KIAA1549L: variants seen among roughly 807,000 people sequenced by gnomAD.
KIAA1549L encodes UPF0606 protein KIAA1549L.
A neutral mutation model predicts 160.7 loss-of-function variants in KIAA1549L; 88 were observed. The observed-to-expected ratio is 0.55, with a 90% confidence interval of 0.46 to 0.65. KIAA1549L has a LOEUF of 0.65. KIAA1549L is among the 30% of genes least tolerant of loss of function. The probability of loss-of-function intolerance (pLI) is 0.00; values close to 1 mark genes in which losing one functional copy is unlikely to be tolerated. For synonymous variants in KIAA1549L, 950 were observed against 976.7 expected (o/e 0.97, Z 0.51); for missense variants, 2,258 against 2,437.5 (o/e 0.93, Z 1.55).
chr11:33,464,757 G>A (rs186930463), intron 1 of KIAA1549L, among the ~76,000 whole-genome samples: 15 of 152,078 alleles, frequency 9.9e-5, no homozygotes, highest in Admixed American at 5.9e-4. Flanking sequence ...CATGGTTCCA[G>A]GATCAAGTCC....
At chr11:33,442,692 C>T (rs1202379089) in intron 1 of KIAA1549L, among the ~76,000 whole-genome samples, 8 of 152,138 alleles carry the variant, frequency 5.3e-5, no homozygotes, top group African/African-American at 1.4e-4. Context: ...CTTCTTTAAT[C>T]TGAGAATTCA....
At chr11:33,403,676 C>T (rs1850586830) in intron 1 of KIAA1549L, 1 of 152,140 alleles carries the variant, frequency 6.6e-6, no homozygotes, top group South Asian at 2.1e-4. Flanking sequence ...TAATACATGA[C>T]CTCTCTTCCA....
intron 1 of KIAA1549L, among the ~76,000 whole-genome samples, chr11:33,457,012 G>A (rs1037582446): frequency 2.0e-5 from 3 of 152,174 alleles, no homozygotes; most frequent in African/African-American, 7.2e-5. Flanking sequence ...GAAGGTCAAG[G>A]ATCACGGATG....
chr11:33,561,650 T>C (rs372363029), intron 7 of KIAA1549L, 26 bp from the exon 8 acceptor site: 88 of 1,534,402 alleles, frequency 5.7e-5, no homozygotes, highest in Non-Finnish European at 7.4e-5. Flanking sequence ...ATAAAAGTAA[T>C]TGGGTATGTT....
chr11:33,464,442 A>T (rs1852002377), intron 1 of KIAA1549L, among the ~76,000 whole-genome samples: 1 of 151,656 alleles, frequency 6.6e-6, no homozygotes, highest in African/African-American at 2.4e-5. Flanking sequence ...GTCACGCATC[A>T]TAGGCCCAAA....
chr11:33,444,549 T>C (rs982840456), intron 1 of KIAA1549L, among the ~76,000 whole-genome samples: 1 of 152,196 alleles, frequency 6.6e-6, no homozygotes, highest in African/African-American at 2.4e-5. Context: ...GAGACTTACT[T>C]TTCATTGTGT....
rs1167420163 is a variant in KIAA1549L at position 33,673,823 on chromosome 11, C to G, written c.*5669C>G. Reference sequence around the variant, plus strand: ...CAAGATCTAGCCTCATCTGGAGTTGCTGTTATTGTCCTTGTTGTCTATGAT... The same window carrying G: ...CAAGATCTAGCCTCATCTGGAGTTGGTGTTATTGTCCTTGTTGTCTATGAT... On this transcript the variant is annotated 3_prime_UTR_variant, in exon 21 of 21. Coordinates refer to ENST00000658780, the MANE Select transcript of KIAA1549L (RefSeq NM_012194.3). The G allele has an allele frequency of 6.6e-6, 1 of 152,140 alleles. No individual in the cohort carries two copies. The highest frequency in any genetic ancestry group is 6.5e-5 in the Admixed American group (1 of 15,284). 9.4% of individuals were successfully genotyped at this position (152,140 alleles called of 1,614,324 possible).
At chr11:33,606,569 C>G in intron 13 of KIAA1549L, 72 bp from the exon 14 acceptor site, 9 of 1,473,130 alleles carry the variant, frequency 6.1e-6, no homozygotes, top group Non-Finnish European at 8.4e-6. Context: ...GGCTGTGAGT[C>G]TAACATAAAT....
At chr11:33,565,520 A>T (rs1855018482) in intron 8 of KIAA1549L, among the ~76,000 whole-genome samples, 1 of 152,116 alleles carries the variant, frequency 6.6e-6, no homozygotes, top group African/African-American at 2.4e-5. Context: ...GCCTGAGACT[A>T]CTCAGGAAGG....
chr11:33,496,303 A>G (rs1336560132), intron 1 of KIAA1549L, among the ~76,000 whole-genome samples: 1 of 152,130 alleles, frequency 6.6e-6, no homozygotes, highest in East Asian at 1.9e-4. Context: ...CCACAGGCAA[A>G]CAACCCTTAG....
intron 16 of KIAA1549L, among the ~76,000 whole-genome samples, chr11:33,634,756 C>G (rs1479489481): frequency 6.6e-6 from 1 of 152,122 alleles, no homozygotes; most frequent in African/African-American, 2.4e-5. Flanking sequence ...GAGTCACTCT[C>G]TGAAAGGTCC....
intron 13 of KIAA1549L, among the ~76,000 whole-genome samples, chr11:33,599,816 G>A (rs934833721): frequency 1.3e-5 from 2 of 152,262 alleles, no homozygotes; most frequent in African/African-American, 4.8e-5. Flanking sequence ...TTCATATCAG[G>A]GAAAAGTCCT....
intron 1 of KIAA1549L, among the ~76,000 whole-genome samples, chr11:33,433,223 A>G (rs1350874975): frequency 6.6e-6 from 1 of 152,170 alleles, no homozygotes; most frequent in Non-Finnish European, 1.5e-5. Context: ...AGGAACTTCA[A>G]CATATTTACA....
intron 1 of KIAA1549L, among the ~76,000 whole-genome samples, chr11:33,515,030 T>C (rs1282974547): frequency 6.6e-6 from 1 of 152,016 alleles, no homozygotes; most frequent in Non-Finnish European, 1.5e-5. Flanking sequence ...CATTCTCATC[T>C]CCCCCTCCCC....
chr11:33,488,823 A>G (rs192741809), intron 1 of KIAA1549L, among the ~76,000 whole-genome samples: 6 of 152,142 alleles, frequency 3.9e-5, no homozygotes, highest in African/African-American at 1.4e-4. Flanking sequence ...TCTTATTTCT[A>G]TTTTCTAGAT....
At chr11:33,507,019 C>T (rs1853107383) in intron 1 of KIAA1549L, among the ~76,000 whole-genome samples, 1 of 152,092 alleles carries the variant, frequency 6.6e-6, no homozygotes, top group South Asian at 2.1e-4. Flanking sequence ...GTTTTGTGTA[C>T]CAAACTCCTG....
chr11:33,654,739 TTTTG>T (rs1852005709), intron 17 of KIAA1549L, among the ~76,000 whole-genome samples: 1 of 152,170 alleles, frequency 6.6e-6, no homozygotes, highest in Admixed American at 6.5e-5. Context: ...CAGCTCATGG[TTTTG>T]TTTTAGTTTG....
chr11:33,600,065 A>G (rs762975807), intron 13 of KIAA1549L, among the ~76,000 whole-genome samples: 4 of 152,130 alleles, frequency 2.6e-5, no homozygotes, highest in Non-Finnish European at 5.9e-5. Context: ...ATGGATTTGT[A>G]TTCTGTAGGG....
At chr11:33,649,876 AG>A in intron 17 of KIAA1549L, among the ~76,000 whole-genome samples, 1 of 150,868 alleles carries the variant, frequency 6.6e-6, no homozygotes, top group Middle Eastern at 3.4e-3. Flanking sequence ...AAAAAAAAAA[AG>A]GAAAGAAAGA....
Sources: gnomAD v4.1 joint callset for allele counts (sites outside exome capture counted in the v4.1 genomes callset) on GRCh38, gnomAD v4.1.1 for gene constraint, MANE v1.5 for transcripts, NCBI Gene and HGNC (gene_info 2026-07-23, HGNC 2026-07-21) for gene names.